SENP1: variants seen among roughly 807,000 people sequenced by gnomAD.
SENP1 encodes the protein sentrin-specific protease 1.
SENP1 carries 21 observed loss-of-function variants against 93.0 expected under a neutral mutation model. That is an observed-to-expected ratio of 0.23 (90% CI 0.16 to 0.33). The LOEUF is 0.33. SENP1 is among the 10% of genes least tolerant of loss of function. The pLI, the probability that SENP1 is intolerant of heterozygous loss-of-function variation, is 1.00. For synonymous variants in SENP1, 256 were observed against 259.6 expected, an observed-to-expected ratio of 0.99 and a Z score of 0.13; for missense variants, 591 against 758.7, an observed-to-expected ratio of 0.78 and a Z score of 2.60.
At position 48,077,354 on chromosome 12, in the gene SENP1, C is replaced by T. The variant is rs1440896578; in HGVS notation, c.553-2561G>A. On this transcript the variant is annotated intron_variant, in intron 6 of 17. Coordinates refer to ENST00000549518, the MANE Select transcript of SENP1 (RefSeq NM_001267594.2). Reference sequence around the variant, plus strand: ...AAAAAATCAGTGCCAAGACCACTGTCGTGTAGTTTTTCCTGTTTTCTTCTA... The same window carrying T: ...AAAAAATCAGTGCCAAGACCACTGTTGTGTAGTTTTTCCTGTTTTCTTCTA... Among the ~76,000 whole-genome samples the T allele has an allele frequency of 2.0e-5, 3 of 152,316 alleles. No individual in the cohort carries two copies. The East Asian group carries it at 5.8e-4, about 29-fold the overall frequency.
intron 1 of SENP1, among the ~76,000 whole-genome samples, chr12:48,102,431 C>CAAAAAAAAA (rs57161608): frequency 2.1e-5 from 1 of 47,458 alleles, no homozygotes; most frequent in Non-Finnish European, 3.8e-5. Flanking sequence ...GACTCTGTCT[C>CAAAAAAAAA]AAAAAAAAAA....
In SENP1 at chr12:48,045,026, G is replaced by C. The variant is rs1422236189; in HGVS notation, c.*296C>G. The C allele has an allele frequency of 1.0e-5, 4 of 399,558 alleles. No homozygotes were observed. Among genetic ancestry groups the C allele is most frequent in the Non-Finnish European group, 1.8e-5 (4 of 219,260 alleles). The allele number at this position is 399,558 out of a possible 1,614,324, so 24.8% of individuals were successfully genotyped here. On this transcript the variant is annotated 3_prime_UTR_variant, in exon 18 of 18. Coordinates refer to ENST00000549518, the MANE Select transcript of SENP1 (RefSeq NM_001267594.2). ...GTCCCATAATTAGGGACTGAGTGAG[G>C]CTGGAGCCCTTTGAAAACAAGATGG...
chr12:48,062,668 T>C (rs1189955532), intron 13 of SENP1, among the ~76,000 whole-genome samples: 1 of 152,242 alleles, frequency 6.6e-6, no homozygotes, highest in Non-Finnish European at 1.5e-5. Flanking sequence ...GCTTGGGTCT[T>C]AATCTTGGCT....
intron 13 of SENP1, among the ~76,000 whole-genome samples, chr12:48,057,452 G>A (rs1942626518): frequency 6.7e-6 from 1 of 148,484 alleles, no homozygotes; most frequent in Non-Finnish European, 1.5e-5. Context: ...CCGGTCTCAA[G>A]TTCCTGACCT....
intron 1 of SENP1, 102 bp from the exon 2 acceptor site, chr12:48,101,618 T>C: frequency 4.7e-6 from 3 of 634,998 alleles, no homozygotes; most frequent in Non-Finnish European, 8.1e-6. Flanking sequence ...TTTGTGTTCT[T>C]AGTGGAGAAA....
At chr12:48,062,461 A>T (rs1943022063) in intron 13 of SENP1, among the ~76,000 whole-genome samples, 1 of 152,214 alleles carries the variant, frequency 6.6e-6, no homozygotes, top group African/African-American at 2.4e-5. Context: ...TTGGTCACAG[A>T]TATTATTCAG....
intron 6 of SENP1, among the ~76,000 whole-genome samples, chr12:48,078,703 C>T (rs927069332): frequency 2.6e-5 from 4 of 152,134 alleles, no homozygotes; most frequent in African/African-American, 9.7e-5. Flanking sequence ...AATCTTATTT[C>T]TTCCTTTCCC....
chr12:48,084,142 C>T (rs189937834), intron 5 of SENP1, among the ~76,000 whole-genome samples: 118 of 152,282 alleles, frequency 7.7e-4, no homozygotes, highest in Admixed American at 1.6e-3. Context: ...ATTCCCTGTA[C>T]CCCTTGTACC....
chr12:48,102,431 C>CAAAAA (rs57161608), intron 1 of SENP1, among the ~76,000 whole-genome samples: 36 of 47,382 alleles, frequency 7.6e-4, no homozygotes, highest in African/African-American at 1.3e-3. Flanking sequence ...GACTCTGTCT[C>CAAAAA]AAAAAAAAAA....
chr12:48,081,068 C>T lies in SENP1; in HGVS notation c.552+2523G>A, dbSNP rs985448287. Among the ~76,000 whole-genome samples, 4 of 152,074 alleles carry T rather than the reference C, an allele frequency of 2.6e-5. No individual in the cohort carries two copies. The South Asian group carries it at 8.3e-4, about 32-fold the overall frequency. On this transcript the variant is annotated intron_variant, in intron 6 of 17. Transcript: ENST00000549518. ...AGCTGGTGGGTGAATGGCAAACTTA[C>T]AATGAACACAGAATTAAAGGATCCT... is the stretch of plus-strand genomic sequence containing the variant.
At chr12:48,070,809 A>G (rs1943639141) in intron 9 of SENP1, among the ~76,000 whole-genome samples, 1 of 152,212 alleles carries the variant, frequency 6.6e-6, no homozygotes, top group South Asian at 2.1e-4. Flanking sequence ...AGAACACAGC[A>G]GGCCGGGTGC....
chr12:48,069,878 G>A lies in SENP1; in HGVS notation c.995+1789C>T, dbSNP rs553645760. Among the ~76,000 whole-genome samples, 14 of 152,298 alleles carry A rather than the reference G, an allele frequency of 9.2e-5. No homozygotes were observed. In the South Asian group the frequency reaches 2.9e-3, roughly 32 times the overall value. On this transcript the variant is annotated intron_variant, in intron 9 of 17. Transcript: ENST00000549518. ...ATATTTAAAGCTTAGAACATATGGG[G>A]AGCTGCAAAGAAGTAGGGGAACTGA...
At chr12:48,096,670 G>A (rs1283155033) in intron 3 of SENP1, among the ~76,000 whole-genome samples, 1 of 152,056 alleles carries the variant, frequency 6.6e-6, no homozygotes, top group Non-Finnish European at 1.5e-5. Context: ...TGGCCAGGCT[G>A]GTCTTGAACT....
chr12:48,048,827 C>A (rs1214260370), intron 14 of SENP1, 102 bp downstream of exon 14: 13 of 827,782 alleles, frequency 1.6e-5, no homozygotes, highest in Non-Finnish European at 3.9e-6. Flanking sequence ...CACTCTTTCT[C>A]TCAATAATCA....
At chr12:48,051,918 A>T (rs1360995209) in intron 13 of SENP1, among the ~76,000 whole-genome samples, 1 of 152,232 alleles carries the variant, frequency 6.6e-6, no homozygotes, top group African/African-American at 2.4e-5. Context: ...AACTGTCAAC[A>T]TTAGTCCACC....
chr12:48,084,436 A>T (rs1252950233), intron 5 of SENP1, among the ~76,000 whole-genome samples: 1 of 140,904 alleles, frequency 7.1e-6, no homozygotes, highest in Non-Finnish European at 1.5e-5. Context: ...TCTAAGGCTT[A>T]CTAATTTTGA....
chr12:48,060,847 G>A (rs75715025), intron 13 of SENP1, among the ~76,000 whole-genome samples: 8,956 of 152,234 alleles, frequency 0.059, 352 homozygotes, highest in Non-Finnish European at 0.093. Flanking sequence ...CATCTACGGT[G>A]TCTTGATTGT....
intron 5 of SENP1, chr12:48,084,921 G>A: frequency 2.0e-6 from 1 of 502,898 alleles, no homozygotes; most frequent in South Asian, 3.4e-5. Context: ...CATGTGGTCT[G>A]AATCCAAATC....
At position 48,044,373 on chromosome 12, in the gene SENP1, T is replaced by C. The variant is rs947063757; in HGVS notation, c.*949A>G. ...TTATACATACATATATATATATATA[T>C]ATGTATGTGTATATATATATGTATA... On this transcript the variant is annotated 3_prime_UTR_variant, in exon 18 of 18. Coordinates refer to ENST00000549518, the MANE Select transcript of SENP1 (RefSeq NM_001267594.2). 5 of 148,450 alleles carry C rather than the reference T, an allele frequency of 3.4e-5. No homozygotes were observed. In the East Asian group the frequency reaches 5.8e-4, roughly 17 times the overall value. 9.2% of individuals were successfully genotyped at this position (148,450 alleles called of 1,614,324 possible).
Sources: gnomAD v4.1 joint callset for allele counts (sites outside exome capture counted in the v4.1 genomes callset) on GRCh38, gnomAD v4.1.1 for gene constraint, MANE v1.5 for transcripts, NCBI Gene and HGNC (gene_info 2026-07-23, HGNC 2026-07-21) for gene names.